The following VPS13B variants were observed in gnomAD, a reference collection of about 807,000 sequenced individuals.
VPS13B encodes the protein vacuolar protein sorting 13 homolog B.
VPS13B carries 285 observed loss-of-function variants against 426.4 expected under a neutral mutation model. The observed-to-expected ratio is 0.67, with a 90% CI of 0.61 to 0.74. VPS13B has a LOEUF of 0.74. VPS13B is among the 30% of genes least tolerant of loss of function. The pLI is 0.00. For synonymous variants in VPS13B, 1,676 were observed against 1,676.4 expected, an observed-to-expected ratio of 1.00 and a Z score of 0.01; for missense variants, 4,537 against 4,782.6, an observed-to-expected ratio of 0.95 and a Z score of 1.51.
At chr8:99,827,312 C>T (rs1460650195) in intron 51 of VPS13B, among the ~76,000 whole-genome samples, 1 of 152,144 alleles carries the variant, frequency 6.6e-6, no homozygotes, top group Non-Finnish European at 1.5e-5. Flanking sequence ...GTGTATGTGT[C>T]CATGCATTCA....
intron 26 of VPS13B, 101 bp downstream of exon 26, chr8:99,501,959 G>GTCTC (rs1338607059): frequency 9.0e-6 from 11 of 1,219,384 alleles, no homozygotes; most frequent in Non-Finnish European, 1.1e-5. Flanking sequence ...CTGTCTGTCT[G>GTCTC]TCTGTCTGTC....
chr8:99,366,548 A>T (rs1351341760), intron 19 of VPS13B, among the ~76,000 whole-genome samples: 1 of 145,992 alleles, frequency 6.8e-6, no homozygotes, highest in Non-Finnish European at 1.5e-5. Flanking sequence ...TTTTTAATCC[A>T]TTCAGCCACT....
At chr8:99,835,904 C>G (rs1278015517) in intron 54 of VPS13B, among the ~76,000 whole-genome samples, 166 bp downstream of exon 54, 2 of 152,188 alleles carry the variant, frequency 1.3e-5, no homozygotes, top group African/African-American at 4.8e-5. Context: ...TATAAATTCT[C>G]AAACTCAAGT....
intron 32 of VPS13B, 64 bp downstream of exon 32, chr8:99,575,848 G>C (rs185739710): frequency 1.3e-6 from 2 of 1,542,310 alleles, no homozygotes; most frequent in East Asian, 2.3e-5. Context: ...TTGTATGTTA[G>C]GGATTGCCAC....
chr8:99,188,978 C>A (rs559671820), intron 16 of VPS13B, among the ~76,000 whole-genome samples: 31 of 152,324 alleles, frequency 2.0e-4, no homozygotes, highest in Admixed American at 4.6e-4. Flanking sequence ...CGGCTCACTG[C>A]AAGCTCCGCC....
chr8:99,857,065 T>C lies in VPS13B; in HGVS notation c.10868-2239T>C, dbSNP rs563011879. On this transcript the variant is annotated intron_variant, in intron 56 of 61. Coordinates refer to ENST00000357162, the MANE Select transcript of VPS13B (RefSeq NM_152564.5). Reference sequence around the variant, plus strand: ...AATTTCCAAACGACTGAGCAAAAGATAGATTTGCTTTTGAAGGGCAATAAA... The same window carrying C: ...AATTTCCAAACGACTGAGCAAAAGACAGATTTGCTTTTGAAGGGCAATAAA... Among the ~76,000 whole-genome samples the C allele has an allele frequency of 2.0e-5, 3 of 152,248 alleles. No individual in the cohort carries two copies. The South Asian group carries it at 6.2e-4, about 32-fold the overall frequency.
chr8:99,831,796 T>TA (rs1815078563), intron 51 of VPS13B, among the ~76,000 whole-genome samples: 2 of 152,364 alleles, frequency 1.3e-5, no homozygotes, highest in African/African-American at 4.8e-5. Flanking sequence ...GGCACGGTTA[T>TA]ATACAAGTAC....
At chr8:99,632,636 G>A (rs1828894232) in intron 33 of VPS13B, among the ~76,000 whole-genome samples, 1 of 151,974 alleles carries the variant, frequency 6.6e-6, no homozygotes, top group South Asian at 2.1e-4. Flanking sequence ...GAGTAGCAGA[G>A]AAGAACAAAG....
At chr8:99,141,841 G>A (rs1810438699) in intron 12 of VPS13B, among the ~76,000 whole-genome samples, 1 of 148,634 alleles carries the variant, frequency 6.7e-6, no homozygotes, top group East Asian at 2.0e-4. Context: ...GCAGGAGATT[G>A]AGACCATCCT....
intron 21 of VPS13B, among the ~76,000 whole-genome samples, chr8:99,413,244 T>C (rs1254122335): frequency 6.6e-5 from 10 of 152,176 alleles, no homozygotes. Context: ...GAACTTATTA[T>C]TGGTCTATTC....
chr8:99,760,988 A>G (rs78615882), intron 39 of VPS13B, among the ~76,000 whole-genome samples: 60 of 152,306 alleles, frequency 3.9e-4, no homozygotes, highest in Middle Eastern at 3.4e-3. Flanking sequence ...AGATTTTGGT[A>G]TCTGTAGGTA....
chr8:99,057,974 T>G (rs1368610411), intron 3 of VPS13B, among the ~76,000 whole-genome samples: 2 of 152,192 alleles, frequency 1.3e-5, no homozygotes, highest in Non-Finnish European at 2.9e-5. Context: ...TCTAGTTCAG[T>G]GATTTTCTCA....
chr8:99,662,613 GTTTTTT>G (rs1181584239), intron 35 of VPS13B, among the ~76,000 whole-genome samples: 4 of 151,568 alleles, frequency 2.6e-5, no homozygotes, highest in Non-Finnish European at 5.9e-5. Context: ...CGCCCAACTA[GTTTTTT>G]TTATTTTTAG....
intron 23 of VPS13B, among the ~76,000 whole-genome samples, chr8:99,463,800 C>A (rs555654516): frequency 2.6e-5 from 4 of 152,276 alleles, no homozygotes; most frequent in South Asian, 2.1e-4. Context: ...TTAAGCAATT[C>A]TCCTGCCTCA....
At chr8:99,275,051 T>C (rs957778341) in intron 18 of VPS13B, 30 bp from the exon 19 acceptor site, 4 of 1,544,666 alleles carry the variant, frequency 2.6e-6, no homozygotes, top group Admixed American at 1.9e-5. Flanking sequence ...GTTTTATTTT[T>C]ATTATTGTTT....
At chr8:99,312,336 C>CT (rs749153709) in intron 19 of VPS13B, among the ~76,000 whole-genome samples, 11 of 152,146 alleles carry the variant, frequency 7.2e-5, no homozygotes, top group Non-Finnish European at 1.6e-4. Context: ...TTATTGCTTC[C>CT]TTCAGGAGCT....
At chr8:99,111,717 T>C (rs1281103540) in intron 6 of VPS13B, among the ~76,000 whole-genome samples, 2 of 152,194 alleles carry the variant, frequency 1.3e-5, no homozygotes, top group Non-Finnish European at 2.9e-5. Flanking sequence ...CCTAATAGTT[T>C]ATTGGTTCAA....
chr8:99,820,171 G>T (rs1317793007), intron 49 of VPS13B, 49 bp downstream of exon 49: 3 of 1,563,454 alleles, frequency 1.9e-6, no homozygotes, highest in Admixed American at 3.4e-5. Flanking sequence ...TCAACAAGTA[G>T]ATTTTATTGT....
chr8:99,570,634 T>A (rs1030506555), intron 31 of VPS13B, among the ~76,000 whole-genome samples: 73 of 152,086 alleles, frequency 4.8e-4, no homozygotes, highest in African/African-American at 1.7e-3. Context: ...TAATTTAGTA[T>A]CTATTAAAAT....
Sources: allele counts gnomAD v4.1 joint callset (sites outside exome capture counted in the v4.1 genomes callset), GRCh38; gene constraint gnomAD v4.1.1; transcripts MANE v1.5; gene names NCBI Gene and HGNC (gene_info 2026-07-23, HGNC 2026-07-21).